Variants in RBFOX1 observed in about 807,000 individuals in gnomAD.
RBFOX1 encodes the protein RNA binding fox-1 homolog 1, also known as RNA binding protein fox-1 homolog 1.
In RBFOX1, 8 loss-of-function variants were observed where a neutral mutation model predicts 57.7. The observed-to-expected ratio is 0.14, with a 90% CI of 0.08 to 0.25. The LOEUF is 0.25. Ranked by LOEUF, RBFOX1 falls within the 10% of genes least tolerant of loss-of-function variation. RBFOX1 has a pLI of 1.00. For missense variants in RBFOX1, 611 were observed against 548.5 expected (o/e 1.11, Z -1.14); for synonymous variants, 326 against 222.4 (o/e 1.47, Z -4.15).
At chr16:7,592,948 A>G (rs1602737333) in intron 7 of RBFOX1, among the ~76,000 whole-genome samples, 1 of 150,972 alleles carries the variant, frequency 6.6e-6, no homozygotes, top group East Asian at 1.9e-4. Context: ...CCCAAGTAGC[A>G]GAGACAATAG....
intron 4 of RBFOX1, among the ~76,000 whole-genome samples, chr16:7,454,123 C>T (rs2057988094): frequency 6.6e-6 from 1 of 152,216 alleles, no homozygotes; most frequent in African/African-American, 2.4e-5. Flanking sequence ...ATCCCAGCTA[C>T]TCAGGAGGCT....
chr16:6,752,545 C>T (rs1328188082), intron 3 of RBFOX1, among the ~76,000 whole-genome samples: 5 of 152,266 alleles, frequency 3.3e-5, no homozygotes, highest in South Asian at 2.1e-4. Flanking sequence ...AGCAAGTTAG[C>T]GCATTCCTAA....
chr16:6,431,896 G>GCTTTCTTTCTTTCTTTCTTT (rs869041704), intron 2 of RBFOX1, among the ~76,000 whole-genome samples: 14 of 128,192 alleles, frequency 1.1e-4, no homozygotes, highest in South Asian at 2.8e-4. Context: ...TTGCTTGCTT[G>GCTTTCTTTCTTTCTTTCTTT]CTTTCTTTCT....
chr16:6,545,666 C>G (rs991901860), intron 2 of RBFOX1, among the ~76,000 whole-genome samples: 3 of 152,208 alleles, frequency 2.0e-5, no homozygotes, highest in African/African-American at 7.2e-5. Context: ...AGTTACTCAC[C>G]ATGGTGTCCC....
At chr16:7,300,438 G>A (rs141917123) in intron 4 of RBFOX1, among the ~76,000 whole-genome samples, 1 of 152,264 alleles carries the variant, frequency 6.6e-6, no homozygotes, top group African/African-American at 2.4e-5. Context: ...TAATGAAGAT[G>A]GAGACTATAT....
At chr16:5,856,317 A>G (rs1396204782) in intron 3 of RBFOX1, among the ~76,000 whole-genome samples, 1 of 73,112 alleles carries the variant, frequency 1.4e-5, no homozygotes, top group Non-Finnish European at 2.7e-5. Context: ...ACACATATAT[A>G]TAGGGAAAAC....
chr16:6,726,245 G>C (rs1310299210), intron 3 of RBFOX1, among the ~76,000 whole-genome samples: 2 of 151,982 alleles, frequency 1.3e-5, no homozygotes. Context: ...ACCCCAGCAA[G>C]GGAAATTTTT....
intron 3 of RBFOX1, among the ~76,000 whole-genome samples, chr16:6,948,234 C>G (rs940260185): frequency 3.3e-5 from 5 of 151,812 alleles, no homozygotes; most frequent in African/African-American, 9.7e-5. Context: ...GCATTCAAGA[C>G]CAGCCTGGGC....
intron 4 of RBFOX1, among the ~76,000 whole-genome samples, chr16:7,336,115 A>G (rs542414951): frequency 6.6e-6 from 1 of 152,222 alleles, no homozygotes; most frequent in South Asian, 2.1e-4. Flanking sequence ...TTGAATGATC[A>G]GTGAATTGTC....
intron 4 of RBFOX1, among the ~76,000 whole-genome samples, chr16:7,370,024 G>C (rs562287356): frequency 2.0e-5 from 3 of 152,312 alleles, no homozygotes; most frequent in African/African-American, 7.2e-5. Context: ...ATTACTCTAA[G>C]TCAGCTTCTG....
chr16:6,945,676 A>C (rs2079361263), intron 3 of RBFOX1, among the ~76,000 whole-genome samples: 1 of 152,040 alleles, frequency 6.6e-6, no homozygotes, highest in Non-Finnish European at 1.5e-5. Flanking sequence ...GGATTACCTG[A>C]GGTCAGGAGT....
chr16:6,793,116 C>T (rs557955984), intron 3 of RBFOX1, among the ~76,000 whole-genome samples: 6 of 151,654 alleles, frequency 4.0e-5, no homozygotes, highest in Admixed American at 6.6e-5. Flanking sequence ...GTTCATGGTA[C>T]GCCTGCTGTC....
chr16:7,530,413 C>G (rs1356194768), intron 5 of RBFOX1, among the ~76,000 whole-genome samples: 1 of 152,030 alleles, frequency 6.6e-6, no homozygotes, highest in East Asian at 1.9e-4. Context: ...CACTGTAAGT[C>G]TCTGTTTCTC....
chr16:6,092,129 A>G (rs79160595), intron 1 of RBFOX1, among the ~76,000 whole-genome samples: 3 of 152,170 alleles, frequency 2.0e-5, no homozygotes, highest in Admixed American at 6.5e-5. Context: ...TGAAGTCCCA[A>G]CTGGTACATG....
At chr16:7,553,326 G>A (rs1325856996) in intron 5 of RBFOX1, among the ~76,000 whole-genome samples, 2 of 151,996 alleles carry the variant, frequency 1.3e-5, no homozygotes, top group Non-Finnish European at 2.9e-5. Flanking sequence ...AAAATTTTCT[G>A]TAGAGATGGG....
At chr16:7,118,415 G>C (rs1056419428) in intron 4 of RBFOX1, among the ~76,000 whole-genome samples, 2 of 152,074 alleles carry the variant, frequency 1.3e-5, no homozygotes, top group Non-Finnish European at 2.9e-5. Flanking sequence ...GTTCAAGTCA[G>C]AGACTCAGAA....
intron 1 of RBFOX1, among the ~76,000 whole-genome samples, chr16:5,347,633 C>T (rs950286669): frequency 2.0e-5 from 3 of 150,016 alleles, no homozygotes; most frequent in African/African-American, 4.9e-5. Flanking sequence ...TCAACACATC[C>T]ACCCACCCAT....
intron 3 of RBFOX1, among the ~76,000 whole-genome samples, chr16:7,018,906 C>G (rs2094057873): frequency 6.6e-6 from 1 of 152,094 alleles, no homozygotes; most frequent in African/African-American, 2.4e-5. Flanking sequence ...ATCTCTTGAG[C>G]TCAGGAGTTC....
At chr16:7,265,958 G>GTATTTTTTTTTTTTTTTTTTTTTTTT (rs1567956396) in intron 4 of RBFOX1, among the ~76,000 whole-genome samples, 1 of 107,604 alleles carries the variant, frequency 9.3e-6, no homozygotes, top group South Asian at 3.1e-4. Flanking sequence ...GATCTGGTGG[G>GTATTTTTTTTTTTTTTTTTTTTTTTT]TTTTTGTTTT....
Sources: gnomAD v4.1 joint callset for allele counts (sites outside exome capture counted in the v4.1 genomes callset) on GRCh38, gnomAD v4.1.1 for gene constraint, MANE v1.5 for transcripts, NCBI Gene and HGNC (gene_info 2026-07-23, HGNC 2026-07-21) for gene names.